EEPD1: variants seen among roughly 807,000 people sequenced by gnomAD.
The protein encoded by EEPD1 is endonuclease/exonuclease/phosphatase family domain containing 1, also known as endonuclease/exonuclease/phosphatase family domain-containing protein 1.
In EEPD1, 17 loss-of-function variants were observed where a neutral mutation model predicts 46.3. That is an observed-to-expected ratio of 0.37 (90% CI 0.25 to 0.55). The LOEUF is 0.55. EEPD1 is among the 20% of genes least tolerant of loss of function. The probability of loss-of-function intolerance (pLI) is 0.83; values close to 1 mark genes in which losing one functional copy is unlikely to be tolerated. For missense variants in EEPD1, 673 were observed against 745.6 expected, an observed-to-expected ratio of 0.90 and a Z score of 1.13; for synonymous variants, 313 against 315.6, an observed-to-expected ratio of 0.99 and a Z score of 0.09.
intron 2 of EEPD1, among the ~76,000 whole-genome samples, chr7:36,211,035 G>A (rs1280278751): frequency 1.3e-5 from 2 of 152,172 alleles, no homozygotes; most frequent in Admixed American, 6.5e-5. Context: ...ATGTCATAGG[G>A]CTGTTGTAAT....
At chr7:36,296,966 A>C (rs1787535542) in intron 6 of EEPD1, 27 bp from the exon 7 acceptor site, 1 of 1,611,698 alleles carries the variant, frequency 6.2e-7, no homozygotes, top group Non-Finnish European at 8.5e-7. Context: ...ACAACTCTTA[A>C]ACTCATTTTC....
At chr7:36,242,663 C>G (rs1786572645) in intron 3 of EEPD1, among the ~76,000 whole-genome samples, 1 of 151,612 alleles carries the variant, frequency 6.6e-6, no homozygotes, top group African/African-American at 2.4e-5. Flanking sequence ...TGGCTTACAC[C>G]TGTAATCTCA....
chr7:36,226,333 C>T (rs1368565027), intron 2 of EEPD1, among the ~76,000 whole-genome samples: 1 of 152,154 alleles, frequency 6.6e-6, no homozygotes, highest in Non-Finnish European at 1.5e-5. Context: ...AGGGAAGCAG[C>T]GTGCTAAGTA....
At chr7:36,298,142 T>A (rs1322948005) in intron 7 of EEPD1, among the ~76,000 whole-genome samples, 1 of 152,202 alleles carries the variant, frequency 6.6e-6, no homozygotes, top group Non-Finnish European at 1.5e-5. Flanking sequence ...TCAGGGAGAA[T>A]GACAATTGTC....
Position 36,284,834 on chromosome 7 carries a change from G to A in EEPD1, c.1176+14G>A, listed in dbSNP as rs1251736925. 2.7e-6 allele frequency: 4 copies of A among 1,459,010 alleles called. No homozygotes were observed. Among genetic ancestry groups the A allele is most frequent in the Non-Finnish European group, 3.6e-6 (4 of 1,101,296 alleles). The allele number at this position is 1,459,010 out of a possible 1,614,324, so 90.4% of individuals were successfully genotyped here. ...GGGAGGTTCAAGGTACCCGCTCCAC[G>A]CCGTCTGTGACGTGGAATCTGCTTC... On this transcript the variant is annotated intron_variant, in intron 5 of 7. Transcript: ENST00000242108.
chr7:36,160,206 G>C (rs1161112646), intron 2 of EEPD1, among the ~76,000 whole-genome samples: 2 of 152,170 alleles, frequency 1.3e-5, no homozygotes, highest in African/African-American at 2.4e-5. Flanking sequence ...CTAGGTACCA[G>C]GTTCTGTATC....
rs139419490 is a variant in EEPD1 at position 36,264,277 on chromosome 7, G to C, written c.931-16838G>C. Among the ~76,000 whole-genome samples, 742 of 152,298 alleles carry C rather than the reference G, an allele frequency of 4.9e-3. 3 individuals are homozygous for C. The highest frequency in any genetic ancestry group is 0.017 in the African/African-American group (705 of 41,562). The stretch of plus-strand genomic sequence containing the variant: ...TTACTCCTTCCTTAGAGTTGCTTCA[G>C]GGGGAAGCCCGCAGTGGGGTCAGGA... On this transcript the variant is annotated intron_variant, in intron 3 of 7. Transcript: ENST00000242108.
intron 2 of EEPD1, among the ~76,000 whole-genome samples, chr7:36,198,608 A>G (rs1023821380): frequency 2.5e-4 from 38 of 152,224 alleles, no homozygotes; most frequent in African/African-American, 9.2e-4. Flanking sequence ...GGCATCACGC[A>G]TGACTCAAAG....
chr7:36,286,413 C>A (rs1484539441), intron 5 of EEPD1, among the ~76,000 whole-genome samples: 1 of 152,222 alleles, frequency 6.6e-6, no homozygotes, highest in Non-Finnish European at 1.5e-5. Flanking sequence ...ATAAGACGGG[C>A]ACCCTCCACT....
At chr7:36,266,493 T>A (rs1317417293) in intron 3 of EEPD1, among the ~76,000 whole-genome samples, 1 of 152,198 alleles carries the variant, frequency 6.6e-6, no homozygotes. Flanking sequence ...CCTCAGTGTT[T>A]GTTGAACGAA....
chr7:36,245,437 G>C (rs761406358), intron 3 of EEPD1, among the ~76,000 whole-genome samples: 11 of 152,184 alleles, frequency 7.2e-5, no homozygotes, highest in Non-Finnish European at 1.2e-4. Flanking sequence ...CACAAGCCCA[G>C]TACATAGATA....
chr7:36,165,662 C>G (rs1784971624), intron 2 of EEPD1, among the ~76,000 whole-genome samples: 1 of 151,422 alleles, frequency 6.6e-6, no homozygotes, highest in Admixed American at 6.6e-5. Context: ...TGGTCTCGAT[C>G]TCTTGACCTC....
intron 3 of EEPD1, among the ~76,000 whole-genome samples, chr7:36,252,959 C>T (rs1786775101): frequency 7.0e-6 from 1 of 143,834 alleles, no homozygotes; most frequent in African/African-American, 2.6e-5. Context: ...TCCTCTATTT[C>T]ATTAATTTCT....
intron 4 of EEPD1, among the ~76,000 whole-genome samples, chr7:36,282,382 G>A (rs1787275527): frequency 6.6e-6 from 1 of 152,224 alleles, no homozygotes; most frequent in South Asian, 2.1e-4. Context: ...ACACTGGTGA[G>A]AAAAACTCCA....
chr7:36,248,994 A>AACACACACACACACACACACACACAC (rs71553052), intron 3 of EEPD1, among the ~76,000 whole-genome samples: 9 of 135,350 alleles, frequency 6.6e-5, no homozygotes, highest in South Asian at 5.1e-4. Context: ...TGGTTCATTA[A>AACACACACACACACACACACACACAC]ACACACACAC....
In EEPD1 at chr7:36,154,875, A is replaced by G. The variant is rs200749099; in HGVS notation, c.551A>G (p.Asn184Ser). The change falls in exon 2 of 8, where the codon AAT becomes AGT. Residue 184 changes from asparagine (N) to serine (S), a missense_variant. Asn to Ser is a conservative substitution (Grantham distance 46, BLOSUM62 1). Transcript: ENST00000242108. This position sits in a 1 kb window ranked among gnomAD's most constrained non-coding sequence, Gnocchi z 4.2. Reference sequence around the variant, plus strand: ...GACCTAGTGAGGATGGATGGTATCAATGCCGCCTTCCTGGACAGGATCCGG... The same window carrying G: ...GACCTAGTGAGGATGGATGGTATCAGTGCCGCCTTCCTGGACAGGATCCGG... ...VEDLVRMDGI[N>S]AAFLDRIRHQ... The G allele has an allele frequency of 2.2e-4, 359 of 1,614,050 alleles. 3 individuals carry two copies. The highest frequency in any genetic ancestry group is 4.3e-5 in the Non-Finnish European group (51 of 1,180,042).
At chr7:36,230,318 C>G (rs943760005) in intron 2 of EEPD1, among the ~76,000 whole-genome samples, 8 of 151,072 alleles carry the variant, frequency 5.3e-5, no homozygotes, top group African/African-American at 1.9e-4. Context: ...TAGTTACTTT[C>G]TGTGCCCCCG....
intron 3 of EEPD1, among the ~76,000 whole-genome samples, chr7:36,248,536 A>G (rs1786678646): frequency 6.8e-6 from 1 of 147,556 alleles, no homozygotes; most frequent in Non-Finnish European, 1.5e-5. Context: ...TTTTTTTTCC[A>G]AAAAAACACT....
rs1275224177 is a variant in EEPD1 at position 36,299,188 on chromosome 7, C to T, written c.1692C>T (p.Asn564=). ...SGVALERSEA[N]IKHER Reference sequence around the variant, plus strand: ...TGGCCTTGGAGCGAAGTGAAGCCAACATCAAGCACGAGCGATGATGACACC... The same window carrying T: ...TGGCCTTGGAGCGAAGTGAAGCCAATATCAAGCACGAGCGATGATGACACC... The change falls in exon 8 of 8, where the codon AAC becomes AAT. Residue 564 remains asparagine (N), a synonymous_variant. Coordinates refer to ENST00000242108, the MANE Select transcript of EEPD1 (RefSeq NM_030636.3). The T allele has an allele frequency of 2.5e-6, 4 of 1,614,172 alleles. No homozygotes were observed. In the South Asian group the frequency reaches 4.4e-5, roughly 18 times the overall value.
Sources: gnomAD v4.1 joint callset for allele counts (sites outside exome capture counted in the v4.1 genomes callset) on GRCh38, gnomAD v4.1.1 for gene constraint, Gnocchi (gnomAD v3.1) non-coding constraint, MANE v1.5 for transcripts, NCBI Gene and HGNC (gene_info 2026-07-23, HGNC 2026-07-21) for gene names.